ASIP: variants seen among roughly 807,000 people sequenced by gnomAD.
The protein encoded by ASIP is agouti signaling protein, also known as agouti-signaling protein.
ASIP carries 11 observed loss-of-function variants against 10.3 expected under a neutral mutation model. The observed-to-expected ratio is 1.07, with a 90% confidence interval of 0.68 to 1.78. ASIP has a LOEUF of 1.78. Among genes scored for constraint, ASIP ranks in the 40% most tolerant of loss-of-function variants. The pLI is 0.00. For missense variants in ASIP, 180 were observed against 169.2 expected, an observed-to-expected ratio of 1.06 and a Z score of -0.35; for synonymous variants, 70 against 70.8, an observed-to-expected ratio of 0.99 and a Z score of 0.06.
At chr20:34,226,111 C>G (rs1249540421) in intron 1 of ASIP, among the ~76,000 whole-genome samples, 1 of 152,032 alleles carries the variant, frequency 6.6e-6, no homozygotes, top group African/African-American at 2.4e-5. Context: ...GCAGGCTATT[C>G]TTGAACTCCT....
At chr20:34,257,325 T>C (rs949189970) in intron 1 of ASIP, among the ~76,000 whole-genome samples, 3 of 152,186 alleles carry the variant, frequency 2.0e-5, no homozygotes, top group Middle Eastern at 3.4e-3. Flanking sequence ...CCCCAAGTGA[T>C]CCATTCGCTT....
intron 1 of ASIP, among the ~76,000 whole-genome samples, chr20:34,210,396 GTGTC>G (rs2034966845): frequency 6.6e-6 from 1 of 152,234 alleles, no homozygotes; most frequent in African/African-American, 2.4e-5. Context: ...TGCTTGCAGT[GTGTC>G]TGGTCCAGTT....
upstream of ASIP, among the ~76,000 whole-genome samples, chr20:34,191,976 C>T (rs755419506): frequency 6.6e-6 from 1 of 152,188 alleles, no homozygotes; most frequent in African/African-American, 2.4e-5. Context: ...GGTAATCCAC[C>T]TGCCTCGGCC....
At chr20:34,247,447 C>A (rs1031728040) in intron 1 of ASIP, among the ~76,000 whole-genome samples, 8 of 151,612 alleles carry the variant, frequency 5.3e-5, no homozygotes, top group African/African-American at 1.9e-4. Flanking sequence ...ATTACAGGCA[C>A]ATGCCACCAC....
At chr20:34,235,272 T>C (rs1055465167) in intron 1 of ASIP, among the ~76,000 whole-genome samples, 5 of 152,160 alleles carry the variant, frequency 3.3e-5, no homozygotes, top group Non-Finnish European at 7.3e-5. Flanking sequence ...AAACCCCGTC[T>C]CTACTAAAAA....
At chr20:34,262,765 T>G in intron 2 of ASIP, 67 bp from the exon 3 acceptor site, 1 of 1,582,716 alleles carries the variant, frequency 6.3e-7, no homozygotes, top group Non-Finnish European at 8.7e-7. Flanking sequence ...CCTCTGCCCC[T>G]CTCACTTCAC....
At chr20:34,204,472 G>C (rs2034922034) in intron 1 of ASIP, among the ~76,000 whole-genome samples, 1 of 152,064 alleles carries the variant, frequency 6.6e-6, no homozygotes, top group Non-Finnish European at 1.5e-5. Flanking sequence ...ACCCACTTTG[G>C]CCTCCCAAAG....
Position 34,230,711 on chromosome 20 carries a change from G to A in ASIP, c.-10-29654G>A, listed in dbSNP as rs376662685. ...CACCTCCCGGAAGGGGCGGCTGGCCGGGCGGGGGGCTGACCCCCCCACCTC... is the reference window on the plus strand; with the variant it reads ...CACCTCCCGGAAGGGGCGGCTGGCCAGGCGGGGGGCTGACCCCCCCACCTC... On this transcript the variant is annotated intron_variant, in intron 1 of 3. Transcript: ENST00000568305. Among the ~76,000 whole-genome samples, 15 of 33,726 alleles carry A rather than the reference G, an allele frequency of 4.4e-4. 2 individuals are homozygous for A. Among genetic ancestry groups the A allele is most frequent in the Non-Finnish European group, 4.9e-4 (10 of 20,356 alleles). The allele number at this position is 33,726 out of a possible 152,430, so 22.1% of individuals were successfully genotyped here.
Position 34,250,988 on chromosome 20 carries a change from A to C in ASIP, c.-10-9377A>C, listed in dbSNP as rs534151908. Among the ~76,000 whole-genome samples the C allele has an allele frequency of 8.5e-5, 13 of 152,264 alleles. No individual in the cohort carries two copies. The South Asian group carries it at 2.7e-3, about 32-fold the overall frequency. ...TGTTGTCTCTTATATTCCCTCAAGC[A>C]GAGATCTTGCACATTAGCATACATG... On this transcript the variant is annotated intron_variant, in intron 1 of 3. Coordinates refer to ENST00000374954, the MANE Select transcript of ASIP (RefSeq NM_001672.3).
chr20:34,200,485 T>C (rs2034885463), intron 1 of ASIP, among the ~76,000 whole-genome samples: 1 of 152,228 alleles, frequency 6.6e-6, no homozygotes, highest in Admixed American at 6.5e-5. Flanking sequence ...GATCTGAGTG[T>C]CCTATAAATA....
rs34524786 is a variant in ASIP at position 34,196,173 on chromosome 20, CTTTTTTT to C, written c.-11+1431_-11+1437del. ...GAACTCTCATTGAAAAGGGAGATTT[CTTTTTTT>C]TTTTTTTTTTTTTTTTTGAGACGGA... On this transcript the variant is annotated intron_variant, in intron 1 of 3. Coordinates refer to the ASIP transcript ENST00000568305. 2.5e-3 allele frequency among the ~76,000 whole-genome samples: 210 copies of C among 83,694 alleles called. 1 individual carries two copies. Among genetic ancestry groups the C allele is most frequent in the Middle Eastern group, 0.02 (2 of 100 alleles). The allele number at this position is 83,694 out of a possible 152,430, so 54.9% of individuals were successfully genotyped here. A position where few individuals can be genotyped will look rare whatever the true frequency, so the allele number is the denominator to read the frequency against.
chr20:34,253,281 T>C (rs1273205482), intron 1 of ASIP, among the ~76,000 whole-genome samples: 1 of 151,596 alleles, frequency 6.6e-6, no homozygotes, highest in Non-Finnish European at 1.5e-5. Context: ...AATTTTTTTG[T>C]ATTTTTAGTA....
intron 1 of ASIP, among the ~76,000 whole-genome samples, chr20:34,209,361 A>G (rs2034958128): frequency 6.6e-6 from 1 of 152,336 alleles, no homozygotes; most frequent in East Asian, 1.9e-4. Flanking sequence ...GGGTGCAGCT[A>G]CAGCTGCCCA....
chr20:34,216,686 G>C (rs570672310), intron 1 of ASIP, among the ~76,000 whole-genome samples: 116 of 152,222 alleles, frequency 7.6e-4, no homozygotes, highest in Non-Finnish European at 1.5e-3. Flanking sequence ...GCATTCCTTT[G>C]CCTCACTGAA....
intron 3 of ASIP, among the ~76,000 whole-genome samples, chr20:34,266,443 C>T (rs2035787473): frequency 1.3e-5 from 2 of 151,996 alleles, no homozygotes; most frequent in Non-Finnish European, 2.9e-5. Context: ...GAGGCTGAGG[C>T]AGGCAGATCA....
intron 1 of ASIP, among the ~76,000 whole-genome samples, chr20:34,244,486 A>G (rs1327176297): frequency 4.6e-5 from 7 of 152,202 alleles, no homozygotes; most frequent in Non-Finnish European, 1.0e-4. Context: ...CGCCTTTGAC[A>G]TTACCAAAAT....
rs1568756648 is a variant in ASIP at position 34,235,913 on chromosome 20, AG to A, written c.-10-24450del. ...AGGAAGGAAGGAAAGGAAGGAAGGA[AG>A]GAAGGAAGGAAGGAAGCGGGAGGGA... On this transcript the variant is annotated intron_variant, in intron 1 of 3. Transcript: ENST00000568305. Among the ~76,000 whole-genome samples, 15 of 107,086 alleles carry A rather than the reference AG, an allele frequency of 1.4e-4. 2 individuals carry two copies. Among genetic ancestry groups the A allele is most frequent in the African/African-American group, 6.5e-4 (14 of 21,460 alleles). The allele number at this position is 107,086 out of a possible 152,430, so 70.3% of individuals were successfully genotyped here.
intron 1 of ASIP, among the ~76,000 whole-genome samples, chr20:34,208,893 G>A (rs1440859556): frequency 6.6e-6 from 1 of 152,106 alleles, no homozygotes; most frequent in Non-Finnish European, 1.5e-5. Flanking sequence ...AGACTGCTTT[G>A]TGTTCTTTCT....
At chr20:34,257,532 A>C (rs1236730564) in intron 1 of ASIP, among the ~76,000 whole-genome samples, 1 of 152,144 alleles carries the variant, frequency 6.6e-6, no homozygotes, top group East Asian at 1.9e-4. Context: ...ACAGAATAAA[A>C]ATTTTAAATA....
Sources: allele counts gnomAD v4.1 joint callset (sites outside exome capture counted in the v4.1 genomes callset), GRCh38; gene constraint gnomAD v4.1.1; transcripts MANE v1.5; gene names NCBI Gene and HGNC (gene_info 2026-07-23, HGNC 2026-07-21).